Variants in SFTPD observed in about 807,000 individuals in gnomAD.
SFTPD encodes pulmonary surfactant-associated protein D.
Under a neutral mutation model 34.6 loss-of-function variants are expected in SFTPD, and 18 were observed. The ratio of observed to expected loss-of-function variants is 0.52; its 90% CI spans 0.36 to 0.77. The LOEUF is 0.77. SFTPD is among the 30% of genes least tolerant of loss of function. The pLI is 0.00. For synonymous variants in SFTPD, 155 were observed against 180.9 expected (o/e 0.86, Z 1.15); for missense variants, 433 against 468.9 (o/e 0.92, Z 0.71).
At chr10:79,976,481 C>T (rs1842864809) in intron 1 of SFTPD, among the ~76,000 whole-genome samples, 1 of 152,128 alleles carries the variant, frequency 6.6e-6, no homozygotes, top group South Asian at 2.1e-4. Flanking sequence ...GATAAAATGG[C>T]TGTTGAAGGA....
rs1008574507 is a variant in SFTPD at position 79,941,570 on chromosome 10, T to C, written c.551-56A>G. On this transcript the variant is annotated intron_variant, in intron 5 of 7. Transcript: ENST00000372292. ...GTACTCATTTTATTTTTTTTGTTTT[T>C]AGCATTTTTACCTTCCCATACATGG... The C allele has an allele frequency of 1.2e-5, 17 of 1,389,126 alleles. No homozygotes were observed. In the African/African-American group the frequency reaches 1.9e-4, roughly 15 times the overall value. The allele number at this position is 1,389,126 out of a possible 1,614,324, so 86.1% of individuals were successfully genotyped here.
At chr10:79,949,158 G>C (rs914116645), upstream of SFTPD, 4 of 152,100 alleles carry the variant, frequency 2.6e-5, no homozygotes, top group African/African-American at 9.7e-5. Context: ...ACCCTGAGCT[G>C]CCCAGCCCCA....
At chr10:79,957,879 A>G (rs1264771980) in intron 1 of SFTPD, among the ~76,000 whole-genome samples, 11 of 152,170 alleles carry the variant, frequency 7.2e-5, no homozygotes, top group Non-Finnish European at 2.9e-5. Context: ...TGAAGGAAAA[A>G]ATGTTAAGGA....
At position 79,937,803 on chromosome 10, in the gene SFTPD, T is replaced by G. The variant is rs761020566; in HGVS notation, c.*49A>C. On this transcript the variant is annotated 3_prime_UTR_variant, in exon 8 of 8. Coordinates refer to ENST00000372292, the MANE Select transcript of SFTPD (RefSeq NM_003019.5). ...GCAGCATGAGGGTCTAAGCCTTGAC[T>G]TCTGGCCAAACTCCTGGGCCAAGCA... The G allele has an allele frequency of 6.6e-7, 1 of 1,506,806 alleles. No homozygotes were observed. Among genetic ancestry groups the G allele is most frequent in the Non-Finnish European group, 8.9e-7 (1 of 1,125,464 alleles). The allele number at this position is 1,506,806 out of a possible 1,614,324, so 93.3% of individuals were successfully genotyped here.
chr10:79,946,765 C>T lies in SFTPD; in HGVS notation c.-3-103G>A, dbSNP rs181608516. 16 of 1,012,918 alleles carry T rather than the reference C, an allele frequency of 1.6e-5. 1 individual carries two copies. The Admixed American group carries it at 2.0e-4, about 13-fold the overall frequency. 62.7% of individuals were successfully genotyped at this position (1,012,918 alleles called of 1,614,324 possible). A position where few individuals can be genotyped will look rare whatever the true frequency, so the allele number is the denominator to read the frequency against. Reference sequence around the variant, plus strand: ...GGTGACAAGAAGCCCCCATTCCCTCCTTCTGTCCTCTGCTATGGGGCCTAG... The same window carrying T: ...GGTGACAAGAAGCCCCCATTCCCTCTTTCTGTCCTCTGCTATGGGGCCTAG... On this transcript the variant is annotated intron_variant, in intron 1 of 7. Transcript: ENST00000372292.
intron 2 of SFTPD, among the ~76,000 whole-genome samples, chr10:79,944,688 G>A (rs1244167006): frequency 1.3e-5 from 2 of 152,086 alleles, no homozygotes; most frequent in Non-Finnish European, 2.9e-5. Context: ...CATCCCTGGT[G>A]GGACTCCCCC....
intron 1 of SFTPD, among the ~76,000 whole-genome samples, chr10:79,963,506 A>G (rs762193452): frequency 6.6e-6 from 1 of 152,148 alleles, no homozygotes; most frequent in African/African-American, 2.4e-5. Flanking sequence ...CTAATTCTAA[A>G]GTATTGCTTT....
At chr10:79,954,026 T>C (rs1373695858), upstream of SFTPD, among the ~76,000 whole-genome samples, 1 of 150,478 alleles carries the variant, frequency 6.6e-6, no homozygotes, top group Non-Finnish European at 1.5e-5. Context: ...ATATAGTTTT[T>C]ATTTCTTTGT....
At chr10:79,968,822 C>T (rs191896428) in intron 1 of SFTPD, 1 of 152,274 alleles carries the variant, frequency 6.6e-6, no homozygotes, top group Admixed American at 6.5e-5. Context: ...TTCTCTGCAG[C>T]CTTCCCGACA....
intron 1 of SFTPD, among the ~76,000 whole-genome samples, chr10:79,973,496 T>C (rs1182424366): frequency 1.3e-5 from 2 of 151,290 alleles, no homozygotes; most frequent in Non-Finnish European, 2.9e-5. Context: ...TGGGTGCCTG[T>C]AATCCCAGCT....
chr10:79,972,916 T>TA lies in SFTPD; in HGVS notation c.36+9658dup, dbSNP rs1207529722. 2.6e-5 allele frequency: 4 copies of TA among 152,352 alleles called. No individual in the cohort carries two copies. The East Asian group carries it at 5.8e-4, about 22-fold the overall frequency. 9.4% of individuals were successfully genotyped at this position (152,352 alleles called of 1,614,324 possible). A position where few individuals can be genotyped will look rare whatever the true frequency, so the allele number is the denominator to read the frequency against. On this transcript the variant is annotated intron_variant, in intron 1 of 5. Coordinates refer to the SFTPD transcript ENST00000444384. ...CTGTGAATTCATGACAAGGAGTTTT[T>TA]ATCCTAGCTCTGAGAGTTCCAAATG...
intron 1 of SFTPD, among the ~76,000 whole-genome samples, chr10:79,980,077 C>G (rs1589345483): frequency 6.6e-6 from 1 of 152,280 alleles, no homozygotes; most frequent in East Asian, 1.9e-4. Flanking sequence ...AATTCACCCC[C>G]TGCTAACTAA....
intron 5 of SFTPD, 148 bp downstream of exon 5, chr10:79,941,806 A>C (rs920973356): frequency 5.2e-5 from 36 of 693,548 alleles, no homozygotes; most frequent in Non-Finnish European, 7.4e-5. Flanking sequence ...GAGCCCCCTC[A>C]TGCACCCTTC....
rs977293742 is a variant in SFTPD at position 79,946,652 on chromosome 10, A to G, written c.8T>C (p.Leu3Pro). The stretch of plus-strand genomic sequence containing the variant: ...CAGGACCAGTGCAGAGAGGAGGAAG[A>G]GCAGCATGGCCTGGAGAGGTGAACA... ML[L>P]FLLSALVLLT... The change falls in exon 2 of 8, where the codon CTC (leucine) becomes CCC (proline). Residue 3 changes from leucine to proline, a missense_variant. Coordinates refer to ENST00000372292, the MANE Select transcript of SFTPD (RefSeq NM_003019.5). 3.7e-6 allele frequency: 6 copies of G among 1,614,022 alleles called. No individual in the cohort carries two copies. Among genetic ancestry groups the G allele is most frequent in the Admixed American group, 1.7e-5 (1 of 59,996 alleles).
intron 1 of SFTPD, among the ~76,000 whole-genome samples, chr10:79,960,893 C>T (rs1842768412): frequency 6.6e-6 from 1 of 151,974 alleles, no homozygotes; most frequent in Non-Finnish European, 1.5e-5. Flanking sequence ...TGACTTCAAA[C>T]TATACTACAA....
At chr10:79,982,170 G>C (rs993262978) in intron 1 of SFTPD, 2 of 421,314 alleles carry the variant, frequency 4.7e-6, no homozygotes, top group East Asian at 9.3e-5. Flanking sequence ...GCGGACATGG[G>C]CACCAAGCAG....
At chr10:79,948,116 G>C (rs896634581) in intron 1 of SFTPD, among the ~76,000 whole-genome samples, 8 of 152,180 alleles carry the variant, frequency 5.3e-5, no homozygotes. Context: ...CCACTTCCTT[G>C]GGTATCCTGG....
intron 1 of SFTPD, among the ~76,000 whole-genome samples, chr10:79,963,885 A>T (rs1198709496): frequency 6.6e-6 from 1 of 152,074 alleles, no homozygotes; most frequent in East Asian, 1.9e-4. Flanking sequence ...CATAGTGCAT[A>T]TGTATCCCAT....
chr10:79,948,450 G>A (rs1234774583), intron 1 of SFTPD, among the ~76,000 whole-genome samples: 2 of 152,206 alleles, frequency 1.3e-5, no homozygotes, highest in Non-Finnish European at 2.9e-5. Flanking sequence ...GGCAGCAGAT[G>A]GAGTGGGCAG....
Sources: allele counts gnomAD v4.1 joint callset (sites outside exome capture counted in the v4.1 genomes callset), GRCh38; gene constraint gnomAD v4.1.1; transcripts MANE v1.5; gene names NCBI Gene and HGNC (gene_info 2026-07-23, HGNC 2026-07-21).